Variants in SMARCA2 observed in about 807,000 individuals in gnomAD.
The protein encoded by SMARCA2 is SWI/SNF-related matrix-associated actin-dependent regulator of chromatin subfamily A member 2.
In SMARCA2, 61 loss-of-function variants were observed where a neutral mutation model predicts 199.8. The ratio of observed to expected loss-of-function variants is 0.31; its 90% CI spans 0.25 to 0.38. SMARCA2 has a LOEUF of 0.38. Ranked by LOEUF, SMARCA2 falls within the 10% of genes least tolerant of loss-of-function variation. SMARCA2 has a pLI of 1.00. For synonymous variants in SMARCA2, 935 were observed against 732.0 expected (o/e 1.28, Z -4.48); for missense variants, 1,344 against 2,012.2 (o/e 0.67, Z 6.35).
At chr9:2,103,920 A>G (rs1339141725) in intron 22 of SMARCA2, 83 bp from the exon 23 acceptor site, 21 of 1,153,944 alleles carry the variant, frequency 1.8e-5, no homozygotes, top group Non-Finnish European at 2.7e-5. Context: ...ACAAAGGACT[A>G]TATGAAAAGC....
intron 29 of SMARCA2, 154 bp from the exon 30 acceptor site, chr9:2,181,417 A>C: frequency 3.4e-6 from 2 of 592,264 alleles, no homozygotes; most frequent in Non-Finnish European, 6.1e-6. Flanking sequence ...ATCAATCTCC[A>C]ATAGAGTTGT....
chr9:2,191,540 T>C (rs1165203407), intron 33 of SMARCA2, 132 bp downstream of exon 33: 2 of 997,466 alleles, frequency 2.0e-6, no homozygotes, highest in East Asian at 4.8e-5. Flanking sequence ...TAGTGAGATT[T>C]CATTATTGAG....
In SMARCA2 at chr9:2,169,691, G is replaced by A. The variant is rs191257781; in HGVS notation, c.4200-728G>A. ...TGGAGGGAGATCTAGAGGGTATGGAGGGTCTTCCCAGGATCTGTGAAACCT... is the reference window on the plus strand; with the variant it reads ...TGGAGGGAGATCTAGAGGGTATGGAAGGTCTTCCCAGGATCTGTGAAACCT... On this transcript the variant is annotated intron_variant, in intron 28 of 33. Transcript: ENST00000349721. The surrounding 1 kb of genome is among the most constrained non-coding windows in gnomAD (Gnocchi z 6.5). 6.6e-4 allele frequency among the ~76,000 whole-genome samples: 101 copies of A among 152,206 alleles called. No individual in the cohort carries two copies. The highest frequency in any genetic ancestry group is 2.3e-3 in the South Asian group (11 of 4,818).
intron 29 of SMARCA2, among the ~76,000 whole-genome samples, chr9:2,177,803 C>G (rs1001946373): frequency 3.3e-5 from 5 of 152,208 alleles, no homozygotes; most frequent in Admixed American, 6.5e-5. Flanking sequence ...CGGCCCGCCT[C>G]TGCCTCCCAA....
At chr9:2,066,909 G>A (rs1031691191) in intron 9 of SMARCA2, among the ~76,000 whole-genome samples, 18 of 152,148 alleles carry the variant, frequency 1.2e-4, no homozygotes, top group Non-Finnish European at 1.9e-4. Context: ...TGTTAATTTT[G>A]AACCAAGAAA....
chr9:2,077,626 C>T lies in SMARCA2; in HGVS notation c.2037-3C>T, dbSNP rs773853866. On this transcript the variant is annotated splice_region_variant and splice_polypyrimidine_tract_variant and intron_variant, in intron 13 of 33. Transcript: ENST00000349721. Reference sequence around the variant, plus strand: ...TGTGATTCTCCACTTTTTCCTTTCCCAGGACAGCTAAGCAAGACGTGGATG... The same window carrying T: ...TGTGATTCTCCACTTTTTCCTTTCCTAGGACAGCTAAGCAAGACGTGGATG... 6.2e-7 allele frequency: 1 copy of T among 1,612,844 alleles called. No homozygotes were observed. The highest frequency in any genetic ancestry group is 1.1e-5 in the South Asian group (1 of 90,962).
rs545039973 is a variant in SMARCA2 at position 2,130,728 on chromosome 9, CAT to C, written c.3981+6800_3981+6801del. ...ATACATACATATATATATACACACACATATATATATGTATAATTGCGCATGCA... is the reference window on the plus strand; with the variant it reads ...ATACATACATATATATATACACACACATATATATGTATAATTGCGCATGCA... On this transcript the variant is annotated intron_variant, in intron 27 of 33. Coordinates refer to ENST00000349721, the MANE Select transcript of SMARCA2 (RefSeq NM_003070.5). Among the ~76,000 whole-genome samples the C allele has an allele frequency of 2.4e-3, 358 of 152,090 alleles. 2 individuals are homozygous for C. The highest frequency in any genetic ancestry group is 7.4e-3 in the African/African-American group (309 of 41,500).
At chr9:2,183,654 C>T (rs893382161) in intron 31 of SMARCA2, among the ~76,000 whole-genome samples, 4 of 152,164 alleles carry the variant, frequency 2.6e-5, no homozygotes, top group Non-Finnish European at 5.9e-5. Flanking sequence ...GAGAAATCTT[C>T]AGAATGTGCC....
chr9:2,065,486 G>A (rs1396116770), intron 9 of SMARCA2, among the ~76,000 whole-genome samples: 1 of 152,060 alleles, frequency 6.6e-6, no homozygotes, highest in African/African-American at 2.4e-5. Context: ...GCTATTATAA[G>A]TAAATCTCAG....
chr9:2,056,908 A>C lies in SMARCA2; in HGVS notation c.1347+63A>C. On this transcript the variant is annotated intron_variant, in intron 7 of 33. Coordinates refer to ENST00000349721, the MANE Select transcript of SMARCA2 (RefSeq NM_003070.5). This position sits in a 1 kb window ranked among gnomAD's most constrained non-coding sequence, Gnocchi z 4.0. ...CAGAGCTGTCCAATGAATTCATCAA[A>C]TGGGGTCAGAATGACTGAAAAATGG... 16 of 1,464,902 alleles carry C rather than the reference A, an allele frequency of 1.1e-5. No homozygotes were observed. Among genetic ancestry groups the C allele is most frequent in the Non-Finnish European group, 1.4e-5 (15 of 1,068,020 alleles). 90.7% of individuals were successfully genotyped at this position (1,464,902 alleles called of 1,614,324 possible). A position where few individuals can be genotyped will look rare whatever the true frequency, so the allele number is the denominator to read the frequency against.
intron 4 of SMARCA2, chr9:2,043,937 T>A (rs1237317872): frequency 6.6e-6 from 1 of 152,182 alleles, no homozygotes; most frequent in African/African-American, 2.4e-5. Flanking sequence ...AAGCCTAAAT[T>A]GTTTACGTTG....
At chr9:2,025,547 T>TAA (rs1337415731) in intron 1 of SMARCA2, among the ~76,000 whole-genome samples, 1 of 152,168 alleles carries the variant, frequency 6.6e-6, no homozygotes, top group Non-Finnish European at 1.5e-5. Flanking sequence ...CTACTATGCT[T>TAA]ACTGCTGTCG....
chr9:2,190,057 A>G (rs1827772658), intron 32 of SMARCA2, among the ~76,000 whole-genome samples: 1 of 152,228 alleles, frequency 6.6e-6, no homozygotes, highest in African/African-American at 2.4e-5. Flanking sequence ...AATACCAAAA[A>G]TGGTATTCTG....
intron 31 of SMARCA2, among the ~76,000 whole-genome samples, chr9:2,182,486 T>G (rs1208436303): frequency 2.2e-5 from 2 of 90,756 alleles, no homozygotes; most frequent in Admixed American, 2.1e-4. Context: ...GTCTTTTTTT[T>G]TTTTTTTTTT....
chr9:2,098,247 A>G (rs1822357925), intron 21 of SMARCA2, among the ~76,000 whole-genome samples: 1 of 152,272 alleles, frequency 6.6e-6, no homozygotes, highest in Admixed American at 6.5e-5. Flanking sequence ...CAGGAGACAT[A>G]GAGAACATCA....
intron 27 of SMARCA2, among the ~76,000 whole-genome samples, chr9:2,155,699 G>T (rs1825322151): frequency 7.4e-6 from 1 of 135,594 alleles, no homozygotes; most frequent in African/African-American, 2.8e-5. Flanking sequence ...TGTGCTTATG[G>T]CATATGGGGA....
chr9:2,078,911 C>T (rs1821443028), intron 14 of SMARCA2, among the ~76,000 whole-genome samples: 1 of 152,002 alleles, frequency 6.6e-6, no homozygotes, highest in Non-Finnish European at 1.5e-5. Context: ...CACCACTGCA[C>T]TCCAGCCTCG....
intron 9 of SMARCA2, 168 bp downstream of exon 9, chr9:2,061,154 A>G: frequency 1.6e-6 from 1 of 613,568 alleles, no homozygotes; most frequent in Non-Finnish European, 2.8e-6. Context: ...GATTAGGTAC[A>G]CTAGACAACT....
rs1419188360 is a variant in SMARCA2 at position 2,016,740 on chromosome 9, CTCCT to C, written c.-37+1343_-37+1346del. Among the ~76,000 whole-genome samples, 24 of 152,196 alleles carry C rather than the reference CTCCT, an allele frequency of 1.6e-4. No individual in the cohort carries two copies. Among genetic ancestry groups the C allele is most frequent in the African/African-American group, 5.5e-4 (23 of 41,454 alleles). On this transcript the variant is annotated intron_variant, in intron 1 of 33. Transcript: ENST00000349721. This position sits in a 1 kb window ranked among gnomAD's most constrained non-coding sequence, Gnocchi z 5.6. Reference sequence around the variant, plus strand: ...AGCCTCCTCCCAACGATGACACGCACTCCTTCCTTCTCGCTCCCTGCTCAGGAGT... The same window carrying C: ...AGCCTCCTCCCAACGATGACACGCACTCCTTCTCGCTCCCTGCTCAGGAGT...
Sources: allele counts gnomAD v4.1 joint callset (sites outside exome capture counted in the v4.1 genomes callset), GRCh38; gene constraint gnomAD v4.1.1; non-coding constraint Gnocchi (gnomAD v3.1); transcripts MANE v1.5; gene names NCBI Gene and HGNC (gene_info 2026-07-23, HGNC 2026-07-21).